The following TBC1D1 variants were observed in gnomAD, a reference collection of about 807,000 sequenced individuals.
TBC1D1 encodes TBC1 (tre-2/USP6, BUB2, cdc16) domain family, member 1.
A neutral mutation model predicts 125.6 loss-of-function variants in TBC1D1; 89 were observed. The observed-to-expected ratio is 0.71, with a 90% CI of 0.60 to 0.85. The LOEUF (loss-of-function observed/expected upper bound fraction) is 0.85, where lower values mean the gene tolerates loss of function less well. Ranked by LOEUF, TBC1D1 falls within the 40% of genes least tolerant of loss-of-function variation. The pLI, the probability that TBC1D1 is intolerant of heterozygous loss-of-function variation, is 0.00. For synonymous variants in TBC1D1, 565 were observed against 564.1 expected, an observed-to-expected ratio of 1.00 and a Z score of -0.02; for missense variants, 1,377 against 1,469.2, an observed-to-expected ratio of 0.94 and a Z score of 1.03.
intron 12 of TBC1D1, among the ~76,000 whole-genome samples, chr4:38,063,768 A>ACC (rs1753189972): frequency 6.6e-6 from 1 of 151,766 alleles, no homozygotes; most frequent in African/African-American, 2.4e-5. Context: ...AGCTGGGATT[A>ACC]CAGGCATGCC....
intron 2 of TBC1D1, among the ~76,000 whole-genome samples, chr4:37,918,416 CAA>C (rs1720164659): frequency 6.0e-5 from 9 of 150,416 alleles, no homozygotes; most frequent in Non-Finnish European, 1.2e-4. Context: ...AGTGAACAAA[CAA>C]ATGTGATCAC....
intron 18 of TBC1D1, among the ~76,000 whole-genome samples, chr4:38,127,104 C>T (rs958575010): frequency 2.6e-5 from 4 of 152,040 alleles, no homozygotes; most frequent in Non-Finnish European, 5.9e-5. Context: ...ATATCCACTA[C>T]CTGACATGTC....
At chr4:38,066,932 A>C (rs1047159363) in intron 12 of TBC1D1, among the ~76,000 whole-genome samples, 3 of 151,806 alleles carry the variant, frequency 2.0e-5, no homozygotes, top group Non-Finnish European at 2.9e-5. Context: ...GCTGGAGTGC[A>C]GTGGTGCAAT....
intron 17 of TBC1D1, among the ~76,000 whole-genome samples, chr4:38,122,382 C>T (rs1028503019): frequency 6.6e-6 from 1 of 152,192 alleles, no homozygotes; most frequent in African/African-American, 2.4e-5. Flanking sequence ...GACCTGCGTG[C>T]CCCCATTTGC....
rs566613979 is a variant in TBC1D1 at position 38,042,357 on chromosome 4, C to T, written c.1414-2005C>T. 1.8e-4 allele frequency among the ~76,000 whole-genome samples: 28 copies of T among 151,990 alleles called. 2 individuals carry two copies. The South Asian group carries it at 4.8e-3, about 26-fold the overall frequency. On this transcript the variant is annotated intron_variant, in intron 8 of 19. Coordinates refer to ENST00000261439, the MANE Select transcript of TBC1D1 (RefSeq NM_015173.4). ...GCAATCTCTGCCTCCTGGGTTCGAG[C>T]GATTCTCCTGCCTCAGCCTCCCAAG...
chr4:37,990,322 T>G (rs1209927969), intron 2 of TBC1D1, among the ~76,000 whole-genome samples: 1 of 151,994 alleles, frequency 6.6e-6, no homozygotes. Flanking sequence ...ACATTGAGTT[T>G]TTTTTTTTTA....
intron 15 of TBC1D1, chr4:38,110,612 A>G (rs1465801348): frequency 1.0e-6 from 1 of 985,418 alleles, no homozygotes; most frequent in South Asian, 4.7e-5. Flanking sequence ...ATGTCTTTTT[A>G]TAAAGGGGTT....
intron 2 of TBC1D1, among the ~76,000 whole-genome samples, chr4:37,989,607 T>G (rs1446973003): frequency 2.0e-5 from 3 of 152,226 alleles, no homozygotes; most frequent in African/African-American, 7.2e-5. Context: ...TTAGATTCTT[T>G]CTGTTGTTCT....
intron 17 of TBC1D1, among the ~76,000 whole-genome samples, chr4:38,123,155 G>A (rs1764125616): frequency 6.6e-6 from 1 of 152,220 alleles, no homozygotes; most frequent in South Asian, 2.1e-4. Context: ...TTGTCCCTCT[G>A]AGAGTAGAGA....
chr4:38,006,808 C>T (rs1358374589), intron 2 of TBC1D1: 5 of 513,350 alleles, frequency 9.7e-6, no homozygotes, highest in Admixed American at 2.0e-5. Context: ...CTGCTCTTTT[C>T]CCCTCTCCTT....
chr4:38,042,666 A>T (rs1004703938), intron 8 of TBC1D1, among the ~76,000 whole-genome samples: 1 of 152,310 alleles, frequency 6.6e-6, no homozygotes, highest in South Asian at 2.1e-4. Flanking sequence ...AAGGGACAGG[A>T]GGTAACAGTC....
rs542398352 is a variant in TBC1D1, at chr4:37,991,312, G to C, written c.418-23197G>C. Among the ~76,000 whole-genome samples the C allele has an allele frequency of 7.2e-5, 11 of 152,316 alleles. 1 individual carries two copies. The highest frequency in any genetic ancestry group is 2.6e-4 in the African/African-American group (11 of 41,564). ...TCTGGGTGCCAGAGATTTGGCTTGGGTGTGGGTGTTAAGAACAGTCCACAG... is the reference window on the plus strand; with the variant it reads ...TCTGGGTGCCAGAGATTTGGCTTGGCTGTGGGTGTTAAGAACAGTCCACAG... On this transcript the variant is annotated intron_variant, in intron 2 of 19. Transcript: ENST00000261439.
rs142357810 is a variant in TBC1D1, at chr4:38,058,457, C to T, written c.2050+4119C>T. Among the ~76,000 whole-genome samples the T allele has an allele frequency of 5.9e-5, 9 of 152,332 alleles. No individual in the cohort carries two copies. The East Asian group carries it at 1.7e-3, about 29-fold the overall frequency. On this transcript the variant is annotated intron_variant, in intron 12 of 19. Transcript: ENST00000261439. ...CTCTGTTCCTGATTTGCCTGGGCGG[C>T]TGAGCCATGGGCAGCTGAGCCTGCA...
intron 2 of TBC1D1, among the ~76,000 whole-genome samples, chr4:37,934,676 G>C (rs910675695): frequency 1.3e-5 from 2 of 152,142 alleles, no homozygotes; most frequent in African/African-American, 4.8e-5. Flanking sequence ...GTTTCTGTGA[G>C]GGAGAGACCA....
At chr4:37,909,381 A>G (rs1260952901) in intron 2 of TBC1D1, among the ~76,000 whole-genome samples, 1 of 152,128 alleles carries the variant, frequency 6.6e-6, no homozygotes, top group Non-Finnish European at 1.5e-5. Flanking sequence ...ATCATTTTGT[A>G]TTTTACCCAT....
chr4:38,038,814 CG>C (rs1350504395), intron 8 of TBC1D1, among the ~76,000 whole-genome samples: 1 of 151,858 alleles, frequency 6.6e-6, no homozygotes, highest in Non-Finnish European at 1.5e-5. Context: ...GGTGTGGTGG[CG>C]GGTGCCTGTA....
rs570986052 is a variant in TBC1D1, at chr4:38,099,022, C to T, written c.2398+2932C>T. 3.2e-4 allele frequency among the ~76,000 whole-genome samples: 49 copies of T among 152,260 alleles called. 1 individual carries two copies. In the South Asian group the frequency reaches 9.3e-3, roughly 29 times the overall value. On this transcript the variant is annotated intron_variant, in intron 14 of 19. Transcript: ENST00000261439. ...TTCTCTAAAGATATCTAGATAGAAC[C>T]TTATAAGCTGGAATGTCTTTTTTAG...
At position 37,979,845 on chromosome 4, in the gene TBC1D1, T is replaced by A. The variant is rs558649656; in HGVS notation, c.418-34664T>A. On this transcript the variant is annotated intron_variant, in intron 2 of 19. Transcript: ENST00000261439. The stretch of plus-strand genomic sequence containing the variant: ...TCCAGGCTGGAGTGCAATGGCACAA[T>A]CTTGGCTCACTGCAACCTCTGGCTC... Among the ~76,000 whole-genome samples, 38 of 152,342 alleles carry A rather than the reference T, an allele frequency of 2.5e-4. 1 individual carries two copies. The East Asian group carries it at 7.3e-3, about 29-fold the overall frequency.
chr4:37,916,694 A>G (rs1201720831), intron 2 of TBC1D1, among the ~76,000 whole-genome samples: 2 of 152,154 alleles, frequency 1.3e-5, no homozygotes, highest in African/African-American at 4.8e-5. Flanking sequence ...GATGGTGAGC[A>G]GGGGGAATGA....
Sources: gnomAD v4.1 joint callset for allele counts (sites outside exome capture counted in the v4.1 genomes callset) on GRCh38, gnomAD v4.1.1 for gene constraint, MANE v1.5 for transcripts, NCBI Gene and HGNC (gene_info 2026-07-23, HGNC 2026-07-21) for gene names.